Variants in CHLSN observed in about 807,000 individuals in gnomAD.
CHLSN encodes the protein cholesin, also known as protein cholesin.
chr7:1,030,092 G>A, the CHLSN span, among the ~76,000 whole-genome samples: 4 of 152,188 alleles, frequency 2.6e-5, no homozygotes, highest in African/African-American at 9.7e-5. Flanking sequence ...TGGGCCTTCT[G>A]AGCCCCAGTG....
the CHLSN span, among the ~76,000 whole-genome samples, chr7:1,121,310 C>A: frequency 6.6e-6 from 1 of 152,126 alleles, no homozygotes; most frequent in Admixed American, 6.5e-5. Context: ...TGGAATTCTA[C>A]TAAGAAAAAC....
chr7:1,042,386 G>GC, the CHLSN span, among the ~76,000 whole-genome samples: 2 of 152,186 alleles, frequency 1.3e-5, no homozygotes, highest in Admixed American at 6.5e-5. Context: ...AGGGCCACAC[G>GC]CCCCCCTACG....
the CHLSN span, chr7:986,602 G>A: frequency 1.6e-4 from 261 of 1,611,684 alleles, 1 homozygote; most frequent in African/African-American, 2.8e-3. Context: ...CCTTATCTCC[G>A]CTCCTCCTGC....
At chr7:998,127 T>G in the CHLSN span, among the ~76,000 whole-genome samples, 1 of 152,082 alleles carries the variant, frequency 6.6e-6, no homozygotes, top group South Asian at 2.1e-4. Flanking sequence ...TGATGAAAGG[T>G]GCATTCAGAA....
At chr7:1,074,249 G>A in the CHLSN span, among the ~76,000 whole-genome samples, 1 of 19,328 alleles carries the variant, frequency 5.2e-5, no homozygotes, top group Admixed American at 6.5e-4. Flanking sequence ...CCCCGACCCC[G>A]CACCCCGCTG....
the CHLSN span, chr7:1,043,357 G>A: frequency 6.6e-6 from 1 of 152,236 alleles, no homozygotes; most frequent in African/African-American, 2.4e-5. Flanking sequence ...GTGGGCAGAG[G>A]GCCTTCTTTT....
At chr7:1,045,725 TG>T in the CHLSN span, 1 of 152,278 alleles carries the variant, frequency 6.6e-6, no homozygotes, top group Admixed American at 6.5e-5. Flanking sequence ...CCAGAACCCC[TG>T]TTGTCTTCCT....
chr7:1,079,668 GC>G, the CHLSN span, among the ~76,000 whole-genome samples: 1 of 152,208 alleles, frequency 6.6e-6, no homozygotes, highest in Non-Finnish European at 1.5e-5. Context: ...CCTCTGAGGG[GC>G]CCCGTGGCAG....
At chr7:1,124,102 T>G in the CHLSN span, among the ~76,000 whole-genome samples, 1 of 152,248 alleles carries the variant, frequency 6.6e-6, no homozygotes, top group Non-Finnish European at 1.5e-5. Context: ...AAACAAAGGC[T>G]TTCTTCTTTC....
At chr7:1,125,050 C>T in the CHLSN span, among the ~76,000 whole-genome samples, 4 of 152,238 alleles carry the variant, frequency 2.6e-5, no homozygotes, top group African/African-American at 9.6e-5. Context: ...TAGGCACACA[C>T]CCCAGCTTCT....
chr7:1,007,039 C>T, the CHLSN span, among the ~76,000 whole-genome samples: 5 of 152,218 alleles, frequency 3.3e-5, no homozygotes, highest in African/African-American at 1.2e-4. Context: ...CATGAAGACC[C>T]CACGGGCGCT....
At chr7:1,013,712 G>A in the CHLSN span, among the ~76,000 whole-genome samples, 5 of 152,168 alleles carry the variant, frequency 3.3e-5, no homozygotes, top group Admixed American at 2.0e-4. Flanking sequence ...TGTCACAGAC[G>A]TGTGATGTCT....
chr7:1,066,451 G>A, the CHLSN span, among the ~76,000 whole-genome samples: 2 of 152,230 alleles, frequency 1.3e-5, no homozygotes, highest in Non-Finnish European at 2.9e-5. Context: ...CCCGGCGGGG[G>A]GCCCTGCTCA....
chr7:1,118,590 T>A, the CHLSN span, among the ~76,000 whole-genome samples: 5 of 152,072 alleles, frequency 3.3e-5, no homozygotes, highest in Non-Finnish European at 5.9e-5. Context: ...AAAAAAATGT[T>A]CGTGGAGTAG....
chr7:1,021,404 T>A, the CHLSN span: 2 of 985,280 alleles, frequency 2.0e-6, no homozygotes, highest in South Asian at 9.4e-5. Context: ...TGAACCAGAG[T>A]CGGAAGCTGA....
At chr7:1,033,943 A>G in the CHLSN span, among the ~76,000 whole-genome samples, 1 of 152,214 alleles carries the variant, frequency 6.6e-6, no homozygotes, top group Non-Finnish European at 1.5e-5. Flanking sequence ...CCCCACTGCT[A>G]TCCAGCATCA....
chr7:1,007,065 G>A, the CHLSN span, among the ~76,000 whole-genome samples: 1 of 152,178 alleles, frequency 6.6e-6, no homozygotes, highest in Non-Finnish European at 1.5e-5. Flanking sequence ...GACGTGTCTT[G>A]GGGGCAGAGC....
At chr7:1,019,211 A>AAAG in the CHLSN span, among the ~76,000 whole-genome samples, 1 of 43,688 alleles carries the variant, frequency 2.3e-5, no homozygotes, top group African/African-American at 8.3e-5. Flanking sequence ...AAAAAAAAAA[A>AAAG]CGGGGGGGGG....
chr7:1,044,390 T>C, the CHLSN span, among the ~76,000 whole-genome samples: 11 of 152,220 alleles, frequency 7.2e-5, no homozygotes, highest in African/African-American at 2.4e-4. Context: ...CAACCAGCAC[T>C]GCCTCCACCG....
Sources: gnomAD v4.1 joint callset for allele counts (sites outside exome capture counted in the v4.1 genomes callset) on GRCh38, gnomAD v4.1.1 for gene constraint, MANE v1.5 for transcripts, NCBI Gene and HGNC (gene_info 2026-07-23, HGNC 2026-07-21) for gene names.